MED12L: variants seen among roughly 807,000 people sequenced by gnomAD.
The protein encoded by MED12L is mediator complex subunit 12L.
MED12L carries 60 observed loss-of-function variants against 281.3 expected under a neutral mutation model. That is an observed-to-expected ratio of 0.21 (90% CI 0.17 to 0.26). MED12L has a LOEUF of 0.26. MED12L is among the 10% of genes least tolerant of loss of function. The probability of loss-of-function intolerance (pLI) is 1.00; values close to 1 mark genes in which losing one functional copy is unlikely to be tolerated. For synonymous variants in MED12L, 974 were observed against 987.2 expected (o/e 0.99, Z 0.25); for missense variants, 2,146 against 2,680.9 (o/e 0.80, Z 4.41).
intron 16 of MED12L, 111 bp from the exon 17 acceptor site, chr3:151,349,948 G>A: frequency 4.5e-6 from 4 of 891,336 alleles, no homozygotes; most frequent in Non-Finnish European, 6.5e-6. Flanking sequence ...AGGGCGGGAT[G>A]CCACCACCGC....
At chr3:151,409,097 GA>G in intron 39 of MED12L, 145 bp from the exon 40 acceptor site, 2 of 620,354 alleles carry the variant, frequency 3.2e-6, no homozygotes, top group Non-Finnish European at 5.6e-6. Context: ...ATATTGATGA[GA>G]AATAATATTT....
chr3:151,432,325 CT>C (rs1719628906), intron 44 of MED12L, among the ~76,000 whole-genome samples: 1 of 152,226 alleles, frequency 6.6e-6, no homozygotes, highest in Admixed American at 6.5e-5. Flanking sequence ...TTGTACATAC[CT>C]TATGGCTATT....
Position 151,428,013 on chromosome 3 carries a change from G to T in MED12L, c.6409-2286G>T, listed in dbSNP as rs187708193. Reference sequence around the variant, plus strand: ...AAAAGCTGACCTGAATAGACATGAGGCTCTTTTCATTTATCCTACCTGATA... The same window carrying T: ...AAAAGCTGACCTGAATAGACATGAGTCTCTTTTCATTTATCCTACCTGATA... On this transcript the variant is annotated intron_variant, in intron 43 of 44. Transcript: ENST00000687756. 1.6e-3 allele frequency among the ~76,000 whole-genome samples: 243 copies of T among 152,264 alleles called. 3 individuals carry two copies. The highest frequency in any genetic ancestry group is 9.7e-4 in the Non-Finnish European group (66 of 68,026).
chr3:151,430,279 T>C lies in MED12L; in HGVS notation c.6409-20T>C, dbSNP rs762350559. ...GGCACCATGGAATGATTTCTGTCCT[T>C]TCTCCTGTCGCCATTACAGTTTCCC... On this transcript the variant is annotated intron_variant, in intron 43 of 44. Coordinates refer to ENST00000687756, the MANE Select transcript of MED12L (RefSeq NM_001393769.1). The C allele has an allele frequency of 6.2e-7, 1 of 1,613,990 alleles. No individual in the cohort carries two copies. Among genetic ancestry groups the C allele is most frequent in the Non-Finnish European group, 8.5e-7 (1 of 1,179,852 alleles).
At position 151,294,897 on chromosome 3, in the gene MED12L, T is replaced by G. The variant is rs150090263; in HGVS notation, c.2251-55162T>G. On this transcript the variant is annotated intron_variant, in intron 16 of 44. Coordinates refer to ENST00000687756, the MANE Select transcript of MED12L (RefSeq NM_001393769.1). ...ATGTTTGCATAAAACAAAACTGAAG[T>G]GTATCTGCAGAGAATAAACTTGAAG... 1.9e-6 allele frequency: 3 copies of G among 1,613,958 alleles called. No homozygotes were observed. In the East Asian group the frequency reaches 6.7e-5, roughly 36 times the overall value.
chr3:151,365,381 T>A (rs1755151810), intron 22 of MED12L, among the ~76,000 whole-genome samples, 175 bp downstream of exon 22: 1 of 152,188 alleles, frequency 6.6e-6, no homozygotes, highest in African/African-American at 2.4e-5. Flanking sequence ...TTCCTTAACC[T>A]GAGAGACAGT....
chr3:151,320,132 T>C (rs572278937), intron 16 of MED12L, among the ~76,000 whole-genome samples: 18 of 152,158 alleles, frequency 1.2e-4, no homozygotes, highest in Non-Finnish European at 2.5e-4. Context: ...TCTGCATTGG[T>C]GTGGACCTGG....
intron 16 of MED12L, among the ~76,000 whole-genome samples, chr3:151,215,652 C>T (rs1728063375): frequency 6.6e-6 from 1 of 152,182 alleles, no homozygotes; most frequent in Non-Finnish European, 1.5e-5. Flanking sequence ...GAATTAAATT[C>T]AAAAGGTTAT....
chr3:151,356,574 G>A (rs1753949018), intron 19 of MED12L, among the ~76,000 whole-genome samples: 1 of 151,800 alleles, frequency 6.6e-6, no homozygotes, highest in African/African-American at 2.4e-5. Flanking sequence ...TATCATTGGT[G>A]CCAAAATATA....
At chr3:151,319,573 C>T (rs1351186609) in intron 16 of MED12L, among the ~76,000 whole-genome samples, 2 of 150,610 alleles carry the variant, frequency 1.3e-5, no homozygotes, top group East Asian at 3.9e-4. Context: ...TTCCTTCTAA[C>T]ATTATTTTTA....
intron 7 of MED12L, 132 bp from the exon 8 acceptor site, chr3:151,159,700 A>G (rs545537830): frequency 3.0e-5 from 24 of 800,184 alleles, no homozygotes; most frequent in East Asian, 7.6e-5. Context: ...TTCTATTTCT[A>G]TTGGACAGCA....
chr3:151,335,847 A>T (rs1404338590), intron 16 of MED12L, among the ~76,000 whole-genome samples: 5 of 152,222 alleles, frequency 3.3e-5, no homozygotes, highest in Non-Finnish European at 7.3e-5. Flanking sequence ...ATACATACTC[A>T]TAAAACATAG....
At chr3:151,150,793 A>G (rs1718354699) in intron 5 of MED12L, among the ~76,000 whole-genome samples, 1 of 152,192 alleles carries the variant, frequency 6.6e-6, no homozygotes, top group Non-Finnish European at 1.5e-5. Context: ...TGTTGTGACA[A>G]TGGCTTCTTT....
chr3:151,240,942 C>T (rs1232714210), intron 16 of MED12L, among the ~76,000 whole-genome samples: 2 of 152,158 alleles, frequency 1.3e-5, no homozygotes, highest in African/African-American at 4.8e-5. Flanking sequence ...CTCTCTAGAA[C>T]CCTATTTGCT....
chr3:151,423,778 G>A (rs1213863017), intron 43 of MED12L, among the ~76,000 whole-genome samples: 6 of 152,086 alleles, frequency 3.9e-5, no homozygotes, highest in South Asian at 2.1e-4. Context: ...AGAAAATAAT[G>A]TTAACACCAT....
intron 8 of MED12L, 98 bp downstream of exon 8, chr3:151,160,199 C>A: frequency 8.3e-7 from 1 of 1,209,830 alleles, no homozygotes; most frequent in Non-Finnish European, 1.2e-6. Flanking sequence ...CTTTTTACAA[C>A]TCTAGTTTTT....
intron 14 of MED12L, among the ~76,000 whole-genome samples, chr3:151,191,335 A>T (rs1027129115): frequency 4.6e-5 from 7 of 152,176 alleles, no homozygotes; most frequent in African/African-American, 1.7e-4. Flanking sequence ...TTCATTACTT[A>T]TATCACTCTT....
At chr3:151,330,228 C>T (rs1475842369) in intron 16 of MED12L, among the ~76,000 whole-genome samples, 1 of 152,128 alleles carries the variant, frequency 6.6e-6, no homozygotes, top group East Asian at 1.9e-4. Context: ...ATAGGAGGCA[C>T]TAAAAAATGT....
chr3:151,342,100 G>A (rs1020018340), intron 16 of MED12L, among the ~76,000 whole-genome samples: 1 of 152,124 alleles, frequency 6.6e-6, no homozygotes, highest in Non-Finnish European at 1.5e-5. Context: ...CCCAGTAATG[G>A]GATGGCTGGG....
Sources: allele counts gnomAD v4.1 joint callset (sites outside exome capture counted in the v4.1 genomes callset), GRCh38; gene constraint gnomAD v4.1.1; transcripts MANE v1.5; gene names NCBI Gene and HGNC (gene_info 2026-07-23, HGNC 2026-07-21).